The following TES variants were observed in gnomAD, a reference collection of about 807,000 sequenced individuals.
TES encodes testin.
TES carries 41 observed loss-of-function variants against 48.2 expected under a neutral mutation model. The observed-to-expected ratio is 0.85, with a 90% CI of 0.66 to 1.10. The LOEUF (loss-of-function observed/expected upper bound fraction) is 1.10, where lower values mean the gene tolerates loss of function less well. Ranked by LOEUF, TES falls within the 50% of genes least tolerant of loss-of-function variation. The probability of loss-of-function intolerance (pLI) is 0.00; values close to 1 mark genes in which losing one functional copy is unlikely to be tolerated. For missense variants in TES, 463 were observed against 515.1 expected (o/e 0.90, Z 0.98); for synonymous variants, 162 against 174.9 (o/e 0.93, Z 0.58).
chr7:116,210,767 T>A (rs1799426277), intron 1 of TES, 33 bp downstream of exon 1: 2 of 1,236,654 alleles, frequency 1.6e-6, no homozygotes, highest in African/African-American at 3.1e-5. Context: ...CGGCGGCTGC[T>A]TCACCTGCGC....
At chr7:116,229,032 A>G (rs1799663066) in intron 1 of TES, among the ~76,000 whole-genome samples, 1 of 115,954 alleles carries the variant, frequency 8.6e-6, no homozygotes, top group South Asian at 2.7e-4. Context: ...ATATATATAT[A>G]TAATCATTTC....
At chr7:116,254,754 ATATATGTGTG>A (rs1800071222) in intron 6 of TES, among the ~76,000 whole-genome samples, 6 of 119,246 alleles carry the variant, frequency 5.0e-5, no homozygotes, top group Admixed American at 8.4e-5. Flanking sequence ...AAAAATATAT[ATATATGTGTG>A]TGTGTGTGTG....
chr7:116,231,278 C>T (rs1799696602), intron 1 of TES, among the ~76,000 whole-genome samples: 1 of 152,152 alleles, frequency 6.6e-6, no homozygotes, highest in African/African-American at 2.4e-5. Context: ...AGCAGCAGTT[C>T]ATGAAATACC....
Position 116,249,291 on chromosome 7 carries a change from A to G in TES, c.366+19A>G. On this transcript the variant is annotated intron_variant, in intron 3 of 6. Transcript: ENST00000358204. ...AGCATTGGTAAATGATATGGAACAG[A>G]GAGTTTCTTTATTGAAGTTCCTGGA... The G allele has an allele frequency of 6.2e-7, 1 of 1,613,568 alleles. No individual in the cohort carries two copies. Among genetic ancestry groups the G allele is most frequent in the Non-Finnish European group, 8.5e-7 (1 of 1,179,872 alleles).
intron 1 of TES, among the ~76,000 whole-genome samples, chr7:116,225,569 C>T (rs979774044): frequency 6.6e-5 from 10 of 152,192 alleles, no homozygotes; most frequent in Middle Eastern, 6.8e-3. Flanking sequence ...TGTCTGTGAA[C>T]AAAAAAGATT....
chr7:116,257,638 A>AT lies in TES; in HGVS notation c.*164dup, dbSNP rs3832530. On this transcript the variant is annotated 3_prime_UTR_variant, in exon 7 of 7. Coordinates refer to ENST00000358204, the MANE Select transcript of TES (RefSeq NM_015641.4). ...TTTTTTGGCCATTTTTTCTTCATCA[A>AT]TTTTTTTTCGGTCTCAACTTTTAAA... 1.9e-5 allele frequency: 12 copies of AT among 624,376 alleles called. No individual in the cohort carries two copies. Among genetic ancestry groups the AT allele is most frequent in the Non-Finnish European group, 2.5e-5 (10 of 408,030 alleles). 38.7% of individuals were successfully genotyped at this position (624,376 alleles called of 1,614,324 possible). A position where few individuals can be genotyped will look rare whatever the true frequency, so the allele number is the denominator to read the frequency against.
intron 1 of TES, chr7:116,211,032 T>G (rs1345408830): frequency 3.6e-6 from 1 of 277,240 alleles, no homozygotes; most frequent in South Asian, 1.7e-4. Context: ...GAAACTTTAC[T>G]TAAGATGTTT....
chr7:116,232,644 T>C (rs999784042), intron 1 of TES, among the ~76,000 whole-genome samples: 1 of 152,216 alleles, frequency 6.6e-6, no homozygotes, highest in African/African-American at 2.4e-5. Context: ...CCAGAAAAGT[T>C]TCCCTCTGTC....
Position 116,249,263 on chromosome 7 carries a change from T to C in TES, c.357T>C (p.Asn119=). 1.2e-6 allele frequency: 2 copies of C among 1,614,032 alleles called. No homozygotes were observed. Among genetic ancestry groups the C allele is most frequent in the Admixed American group, 1.7e-5 (1 of 60,032 alleles). ...ATGAGTGGGCTCCTCCTGTCCAGAA[T>C]CAAGCATTGGTAAATGATATGGAAC... ...VTYEWAPPVQ[N]QALARQYMQM... The change falls in exon 3 of 7, where the codon AAT becomes AAC. Residue 119 remains asparagine (N), a synonymous_variant. Coordinates refer to ENST00000358204, the MANE Select transcript of TES (RefSeq NM_015641.4).
intron 1 of TES, among the ~76,000 whole-genome samples, chr7:116,211,681 G>C (rs1799440922): frequency 6.6e-6 from 1 of 152,228 alleles, no homozygotes; most frequent in Admixed American, 6.5e-5. Context: ...TTTGCAGAGA[G>C]AGGAAGGGAA....
intron 2 of TES, among the ~76,000 whole-genome samples, chr7:116,239,701 G>A (rs1799817943): frequency 6.6e-6 from 1 of 152,232 alleles, no homozygotes. Flanking sequence ...TTTACTGTGA[G>A]CTCTCTCCTT....
In TES at chr7:116,217,921, A is replaced by G. The variant is rs540664569; in HGVS notation, c.27+7187A>G. The G allele has an allele frequency of 7.7e-4, 396 of 512,122 alleles. 7 individuals are homozygous for G. In the Middle Eastern group the frequency reaches 8.7e-3, roughly 11 times the overall value. 31.7% of individuals were successfully genotyped at this position (512,122 alleles called of 1,614,324 possible). ...ATAATGGGGAATTAGAGCGATAAGG[A>G]TATGCATGACTATAATTTTCTAAGT... On this transcript the variant is annotated intron_variant, in intron 1 of 6. Transcript: ENST00000358204.
At position 116,250,291 on chromosome 7, in the gene TES, A is replaced by G. The variant is rs141376438; in HGVS notation, c.497A>G (p.Glu166Gly). ...AHDQDPSKCH[E>G]LSPREVKEME... The stretch of plus-strand genomic sequence containing the variant: ...GACCAGGACCCTTCAAAGTGCCATG[A>G]GTTGTCTCCCAGAGAGGTGAAGGAG... The change falls in exon 4 of 7, where the codon GAG becomes GGG. Residue 166 changes from glutamate (E) to glycine (G), a missense_variant. Physicochemically the swap from Glu to Gly is moderately conservative, Grantham distance 98. Transcript: ENST00000358204. 3.1e-6 allele frequency: 5 copies of G among 1,613,882 alleles called. No homozygotes were observed. The highest frequency in any genetic ancestry group is 4.2e-6 in the Non-Finnish European group (5 of 1,179,898).
In TES at chr7:116,257,942, A is replaced by G. The variant is rs1800128294; in HGVS notation, c.*460A>G. On this transcript the variant is annotated 3_prime_UTR_variant, in exon 7 of 7. Coordinates refer to ENST00000358204, the MANE Select transcript of TES (RefSeq NM_015641.4). ...CCTCGTCTTATTCACTGACCTTTGT[A>G]ATGATACACAGTGAATTCTTTTTGA... 1 of 154,194 alleles carries G rather than the reference A, an allele frequency of 6.5e-6. No homozygotes were observed. The allele number at this position is 154,194 out of a possible 1,614,324, so 9.6% of individuals were successfully genotyped here.
intron 1 of TES, among the ~76,000 whole-genome samples, chr7:116,217,516 T>C (rs185395351): frequency 6.6e-6 from 1 of 152,236 alleles, no homozygotes; most frequent in East Asian, 1.9e-4. Flanking sequence ...AATTGTTTAT[T>C]AAATCATTAA....
At chr7:116,240,771 T>C (rs889812833) in intron 2 of TES, among the ~76,000 whole-genome samples, 2 of 152,136 alleles carry the variant, frequency 1.3e-5, no homozygotes, top group Non-Finnish European at 2.9e-5. Context: ...GTTTAGAAAA[T>C]TTAGAGGTTT....
In TES at chr7:116,252,427, T is replaced by C. The variant is rs775826669; in HGVS notation, c.1028T>C (p.Val343Ala). ...CTAGCTGGGGAGATATACGTGATGG[T>C]CAATGACAAGCCCGTGTGCAAGCCC... ...SILAGEIYVMVNDKPVCKPCY... is the reference protein window; with the variant it reads ...SILAGEIYVMANDKPVCKPCY... Residue 343 changes from valine to alanine, a missense_variant, in exon 6 of 7, where the codon GTC (valine) becomes GCC (alanine). Coordinates refer to ENST00000358204, the MANE Select transcript of TES (RefSeq NM_015641.4). 1.2e-6 allele frequency: 2 copies of C among 1,614,202 alleles called. No individual in the cohort carries two copies. The highest frequency in any genetic ancestry group is 1.7e-6 in the Non-Finnish European group (2 of 1,180,034).
rs550774913 is a variant in TES, at chr7:116,254,032, A to G, written c.1077+1556A>G. On this transcript the variant is annotated intron_variant, in intron 6 of 6. Transcript: ENST00000358204. The stretch of plus-strand genomic sequence containing the variant: ...TAATATTTCTCGCTTTGGGGTTACC[A>G]TGGTCATTCCTTTACCTAGGGAACA... Among the ~76,000 whole-genome samples the G allele has an allele frequency of 5.3e-5, 8 of 151,444 alleles. No individual in the cohort carries two copies. The South Asian group carries it at 1.7e-3, about 32-fold the overall frequency.
chr7:116,233,256 T>C (rs1330684076), intron 1 of TES, among the ~76,000 whole-genome samples: 1 of 152,208 alleles, frequency 6.6e-6, no homozygotes, highest in African/African-American at 2.4e-5. Flanking sequence ...GCTACTCTTT[T>C]TTTTCCAATA....
Sources: allele counts gnomAD v4.1 joint callset (sites outside exome capture counted in the v4.1 genomes callset), GRCh38; gene constraint gnomAD v4.1.1; transcripts MANE v1.5; gene names NCBI Gene and HGNC (gene_info 2026-07-23, HGNC 2026-07-21).